Variants in PRKG1 observed in about 807,000 individuals in gnomAD.
PRKG1 encodes the protein protein kinase cGMP-dependent 1, also known as cGMP-dependent protein kinase 1.
PRKG1 carries 35 observed loss-of-function variants against 88.1 expected under a neutral mutation model. That is an observed-to-expected ratio of 0.40 (90% CI 0.30 to 0.53). PRKG1 has a LOEUF of 0.53. Among genes scored for constraint, PRKG1 ranks in the 20% least tolerant of loss-of-function variants. The pLI is 0.59. For missense variants in PRKG1, 540 were observed against 839.8 expected (o/e 0.64, Z 4.41); for synonymous variants, 303 against 292.5 (o/e 1.04, Z -0.37).
At chr10:51,183,010 G>A (rs1837388572) in intron 2 of PRKG1, among the ~76,000 whole-genome samples, 1 of 152,096 alleles carries the variant, frequency 6.6e-6, no homozygotes, top group South Asian at 2.1e-4. Flanking sequence ...TAAAAAGAAT[G>A]ACTTCTGGAA....
intron 5 of PRKG1, among the ~76,000 whole-genome samples, chr10:51,913,122 T>C (rs1238572840): frequency 6.6e-6 from 1 of 152,110 alleles, no homozygotes; most frequent in Non-Finnish European, 1.5e-5. Context: ...AGAGACAGGG[T>C]TTTGCCATAT....
intron 3 of PRKG1, among the ~76,000 whole-genome samples, chr10:51,685,925 G>C (rs957841776): frequency 6.6e-6 from 1 of 152,032 alleles, no homozygotes; most frequent in African/African-American, 2.4e-5. Context: ...GGTCATTTGT[G>C]AGCCTTTGCC....
Position 51,246,535 on chromosome 10 carries a change from G to T in PRKG1, c.478+93205G>T, listed in dbSNP as rs1490647693. On this transcript the variant is annotated intron_variant, in intron 2 of 17. Coordinates refer to ENST00000373980, the MANE Select transcript of PRKG1 (RefSeq NM_006258.4). The stretch of plus-strand genomic sequence containing the variant: ...GTATAGACACTGACAGTATGGCCAG[G>T]TAAGCCCAAAATGTTTACTTTCCAG... 3.0e-5 allele frequency among the ~76,000 whole-genome samples: 4 copies of T among 131,420 alleles called. No homozygotes were observed. In the East Asian group the frequency reaches 7.9e-4, roughly 26 times the overall value. 86.2% of individuals were successfully genotyped at this position (131,420 alleles called of 152,430 possible). A position where few individuals can be genotyped will look rare whatever the true frequency, so the allele number is the denominator to read the frequency against.
intron 2 of PRKG1, among the ~76,000 whole-genome samples, chr10:51,371,832 TG>T (rs1341208373): frequency 6.6e-6 from 1 of 152,176 alleles, no homozygotes. Context: ...CTCTGCTTTT[TG>T]GAAATGATTG....
At chr10:51,966,853 C>T (rs1158017622) in intron 5 of PRKG1, among the ~76,000 whole-genome samples, 1 of 152,158 alleles carries the variant, frequency 6.6e-6, no homozygotes, top group African/African-American at 2.4e-5. Flanking sequence ...ATCAAAACCA[C>T]AATGACATAC....
chr10:51,496,884 C>T (rs17612855), intron 3 of PRKG1, among the ~76,000 whole-genome samples: 22,922 of 152,196 alleles, frequency 0.15, 2,216 homozygotes, highest in Non-Finnish European at 0.22. Flanking sequence ...GTAATCTAAT[C>T]ATTCTACGCA....
At chr10:51,875,944 C>T (rs759931312) in intron 4 of PRKG1, among the ~76,000 whole-genome samples, 12 of 118,362 alleles carry the variant, frequency 1.0e-4, no homozygotes, top group South Asian at 2.9e-4. Context: ...CCTTTCTTTT[C>T]TTTCTTTCTT....
chr10:52,222,858 T>C (rs1840280690), intron 9 of PRKG1, among the ~76,000 whole-genome samples: 2 of 152,174 alleles, frequency 1.3e-5, no homozygotes, highest in South Asian at 4.1e-4. Flanking sequence ...TTATCCCAAC[T>C]TTGCCTTACC....
At chr10:51,815,537 T>C (rs1243322662) in intron 4 of PRKG1, among the ~76,000 whole-genome samples, 2 of 152,054 alleles carry the variant, frequency 1.3e-5, no homozygotes, top group African/African-American at 2.4e-5. Flanking sequence ...CCTGCTGAGG[T>C]GCAAAATAAA....
chr10:52,059,194 T>C (rs1172381796), intron 6 of PRKG1, among the ~76,000 whole-genome samples: 6 of 151,970 alleles, frequency 3.9e-5, no homozygotes, highest in African/African-American at 1.4e-4. Context: ...GCAGAGCAAC[T>C]GGTATTCTCA....
intron 3 of PRKG1, among the ~76,000 whole-genome samples, chr10:51,801,170 G>A (rs72799427): frequency 6.6e-6 from 1 of 152,094 alleles, no homozygotes; most frequent in Non-Finnish European, 1.5e-5. Context: ...GTAAAGGGCT[G>A]GATAGGAAAT....
intron 5 of PRKG1, among the ~76,000 whole-genome samples, chr10:52,009,671 A>G (rs1844832301): frequency 6.6e-6 from 1 of 152,172 alleles, no homozygotes; most frequent in Non-Finnish European, 1.5e-5. Context: ...TAGAAAAACT[A>G]TTTTAAAATT....
chr10:51,028,057 G>C (rs1843232062), intron 1 of PRKG1, among the ~76,000 whole-genome samples: 1 of 152,098 alleles, frequency 6.6e-6, no homozygotes, highest in Non-Finnish European at 1.5e-5. Flanking sequence ...TTTTTCTTGT[G>C]AGGCAGTTTT....
chr10:51,997,526 T>C (rs1366062937), intron 5 of PRKG1, among the ~76,000 whole-genome samples: 2 of 151,352 alleles, frequency 1.3e-5, no homozygotes, highest in Non-Finnish European at 2.9e-5. Flanking sequence ...TATAACATAG[T>C]GGCTATAGTT....
intron 3 of PRKG1, among the ~76,000 whole-genome samples, chr10:51,702,003 A>G (rs1217175300): frequency 2.0e-5 from 3 of 152,204 alleles, no homozygotes; most frequent in Non-Finnish European, 2.9e-5. Flanking sequence ...GATTGGTAGT[A>G]GATTTTCTCA....
chr10:51,547,062 G>A (rs976841759), intron 3 of PRKG1, among the ~76,000 whole-genome samples: 2 of 151,994 alleles, frequency 1.3e-5, no homozygotes, highest in African/African-American at 4.8e-5. Context: ...CTCTACCAGT[G>A]GGGCAGTAAC....
intron 7 of PRKG1, among the ~76,000 whole-genome samples, chr10:52,106,749 A>C (rs1847436579): frequency 6.7e-6 from 1 of 148,172 alleles, no homozygotes. Flanking sequence ...AATAATAATA[A>C]AGTAAATAAA....
chr10:51,928,545 T>G (rs78118383), intron 5 of PRKG1, among the ~76,000 whole-genome samples: 2,344 of 152,286 alleles, frequency 0.015, 53 homozygotes, highest in African/African-American at 0.054. Flanking sequence ...AGACTTTTAG[T>G]GTGCTGATAA....
At chr10:51,820,478 G>C (rs1039694810) in intron 4 of PRKG1, among the ~76,000 whole-genome samples, 1 of 152,130 alleles carries the variant, frequency 6.6e-6, no homozygotes, top group East Asian at 1.9e-4. Flanking sequence ...TAGGACCTCT[G>C]TCCCCAAAAT....
Sources: allele counts gnomAD v4.1 joint callset (sites outside exome capture counted in the v4.1 genomes callset), GRCh38; gene constraint gnomAD v4.1.1; transcripts MANE v1.5; gene names NCBI Gene and HGNC (gene_info 2026-07-23, HGNC 2026-07-21).